PRMT8: variants seen among roughly 807,000 people sequenced by gnomAD.
PRMT8 encodes protein arginine N-methyltransferase 8.
Under a neutral mutation model 47.1 loss-of-function variants are expected in PRMT8, and 7 were observed. The ratio of observed to expected loss-of-function variants is 0.15; its 90% CI spans 0.08 to 0.28. The LOEUF (loss-of-function observed/expected upper bound fraction) is 0.28. Among genes scored for constraint, PRMT8 ranks in the 10% least tolerant of loss-of-function variants. PRMT8 has a pLI of 1.00. For missense variants in PRMT8, 237 were observed against 505.4 expected (o/e 0.47, Z 5.09); for synonymous variants, 188 against 186.5 (o/e 1.01, Z -0.07).
chr12:3,458,585 G>T (rs1049481892), intron 1 of PRMT8, among the ~76,000 whole-genome samples: 1 of 152,244 alleles, frequency 6.6e-6, no homozygotes, highest in Admixed American at 6.5e-5. Flanking sequence ...TTTACATCTT[G>T]CTTTTTGAGC....
At chr12:3,410,786 C>T (rs918074692) in intron 1 of PRMT8, among the ~76,000 whole-genome samples, 5 of 152,198 alleles carry the variant, frequency 3.3e-5, no homozygotes, top group African/African-American at 7.2e-5. Flanking sequence ...GGGTTACAGG[C>T]GTGAGCCACC....
At chr12:3,496,214 A>ATTTTTTTTTTTTTT (rs1555085718) in intron 1 of PRMT8, among the ~76,000 whole-genome samples, 4 of 27,774 alleles carry the variant, frequency 1.4e-4, no homozygotes, top group African/African-American at 1.8e-4. Flanking sequence ...ATATATATAT[A>ATTTTTTTTTTTTTT]TTTTTTTTTT....
intron 1 of PRMT8, among the ~76,000 whole-genome samples, chr12:3,471,832 C>T (rs1787743421): frequency 6.6e-6 from 1 of 151,878 alleles, no homozygotes; most frequent in Admixed American, 6.6e-5. Flanking sequence ...GTGGAATCAG[C>T]TGCAGCTGGG....
chr12:3,381,768 A>G (rs942330628), intron 1 of PRMT8, among the ~76,000 whole-genome samples: 3 of 152,184 alleles, frequency 2.0e-5, no homozygotes, highest in Non-Finnish European at 2.9e-5. Flanking sequence ...CTATAGCACA[A>G]TATTGTAACC....
chr12:3,568,162 A>G (rs914439872), intron 4 of PRMT8, among the ~76,000 whole-genome samples: 7 of 152,312 alleles, frequency 4.6e-5, no homozygotes, highest in East Asian at 1.9e-4. Context: ...GGAAATTGTT[A>G]AGAAAATCCT....
At position 3,436,767 on chromosome 12, in the gene PRMT8, A is replaced by G. The variant is rs951518722; in HGVS notation, c.48+55325A>G. 1.3e-5 allele frequency among the ~76,000 whole-genome samples: 2 copies of G among 152,208 alleles called. No homozygotes were observed. Among genetic ancestry groups the G allele is most frequent in the Non-Finnish European group, 2.9e-5 (2 of 68,038 alleles). ...GGATCGATTGCAGCATCTCCCCGAC[A>G]GCATGGAGGCCTGGGTGATGGGAGA... On this transcript the variant is annotated intron_variant, in intron 1 of 9. Coordinates refer to the PRMT8 transcript ENST00000452611. This position sits in a 1 kb window ranked among gnomAD's most constrained non-coding sequence, Gnocchi z 4.2.
intron 1 of PRMT8, among the ~76,000 whole-genome samples, chr12:3,518,109 C>T (rs913437815): frequency 6.6e-6 from 1 of 151,804 alleles, no homozygotes; most frequent in African/African-American, 2.4e-5. Flanking sequence ...AACACGCTTG[C>T]CCCCCTCACC....
chr12:3,515,069 GT>G (rs1336598561), intron 1 of PRMT8, among the ~76,000 whole-genome samples: 1 of 152,214 alleles, frequency 6.6e-6, no homozygotes, highest in African/African-American at 2.4e-5. Context: ...ATATACTAAT[GT>G]CTCCAATTTA....
intron 1 of PRMT8, among the ~76,000 whole-genome samples, chr12:3,441,568 A>G (rs1026348292): frequency 1.3e-5 from 2 of 152,202 alleles, no homozygotes; most frequent in Admixed American, 6.5e-5. Context: ...AAGGCCTGGC[A>G]CACAGAGGGT....
intron 1 of PRMT8, among the ~76,000 whole-genome samples, chr12:3,386,401 C>A (rs778382654): frequency 6.6e-6 from 1 of 152,168 alleles, no homozygotes; most frequent in Non-Finnish European, 1.5e-5. Context: ...TACATTATGC[C>A]GTTCCTCTTA....
chr12:3,485,062 A>G (rs544981648), intron 1 of PRMT8, among the ~76,000 whole-genome samples: 1 of 152,302 alleles, frequency 6.6e-6, no homozygotes, highest in Admixed American at 6.5e-5. Flanking sequence ...TGGTAGTTCT[A>G]CCTAAGAGAC....
chr12:3,421,953 G>A (rs1158008384), intron 1 of PRMT8, among the ~76,000 whole-genome samples: 1 of 152,194 alleles, frequency 6.6e-6, no homozygotes, highest in Non-Finnish European at 1.5e-5. Flanking sequence ...CTCCAGCTCT[G>A]GGCAGCATGG....
At chr12:3,433,888 G>C (rs1329660665) in intron 1 of PRMT8, among the ~76,000 whole-genome samples, 1 of 152,226 alleles carries the variant, frequency 6.6e-6, no homozygotes, top group East Asian at 1.9e-4. Context: ...ACAGGCGTGA[G>C]CCACCATGCC....
chr12:3,470,921 C>T (rs1865155135), intron 1 of PRMT8, among the ~76,000 whole-genome samples: 2 of 152,182 alleles, frequency 1.3e-5, no homozygotes, highest in South Asian at 2.1e-4. Context: ...CCTGCTCCTG[C>T]AAAAGACAGG....
chr12:3,417,269 A>C (rs1273882576), intron 1 of PRMT8, among the ~76,000 whole-genome samples: 1 of 152,252 alleles, frequency 6.6e-6, no homozygotes, highest in Non-Finnish European at 1.5e-5. Context: ...TGTTGTGATC[A>C]GATTTCAGAC....
chr12:3,532,015 T>C (rs1866038866), intron 1 of PRMT8, among the ~76,000 whole-genome samples: 1 of 152,002 alleles, frequency 6.6e-6, no homozygotes, highest in Non-Finnish European at 1.5e-5. Flanking sequence ...CCTGTTAACA[T>C]GCCCAGTGTT....
chr12:3,425,181 C>T (rs1007704869), intron 1 of PRMT8, among the ~76,000 whole-genome samples: 3 of 152,204 alleles, frequency 2.0e-5, no homozygotes, highest in African/African-American at 7.2e-5. Flanking sequence ...TGGGAATTTT[C>T]ACATAGCAAG....
At chr12:3,521,002 G>C (rs1865871984) in intron 1 of PRMT8, among the ~76,000 whole-genome samples, 1 of 152,172 alleles carries the variant, frequency 6.6e-6, no homozygotes, top group African/African-American at 2.4e-5. Context: ...TAGGGAACAG[G>C]CTTGTGGATA....
intron 2 of PRMT8, among the ~76,000 whole-genome samples, chr12:3,549,309 C>G (rs1459361717): frequency 6.6e-6 from 1 of 152,044 alleles, no homozygotes; most frequent in Non-Finnish European, 1.5e-5. Flanking sequence ...AAAAAATTCA[C>G]CCCAATACTT....
Sources: allele counts gnomAD v4.1 joint callset (sites outside exome capture counted in the v4.1 genomes callset), GRCh38; gene constraint gnomAD v4.1.1; non-coding constraint Gnocchi (gnomAD v3.1); transcripts MANE v1.5; gene names NCBI Gene and HGNC (gene_info 2026-07-23, HGNC 2026-07-21).